FCHO2: variants seen among roughly 807,000 people sequenced by gnomAD.
FCHO2 encodes F-BAR domain only protein 2.
Under a neutral mutation model 114.1 loss-of-function variants are expected in FCHO2, and 43 were observed. The ratio of observed to expected loss-of-function variants is 0.38; its 90% CI spans 0.30 to 0.49. The LOEUF (loss-of-function observed/expected upper bound fraction) is 0.49. Among genes scored for constraint, FCHO2 ranks in the 20% least tolerant of loss-of-function variants. The pLI is 0.97. For missense variants in FCHO2, 807 were observed against 950.4 expected (o/e 0.85, Z 1.98); for synonymous variants, 293 against 315.2 (o/e 0.93, Z 0.75).
chr5:73,033,248 T>C (rs10515154), intron 8 of FCHO2, among the ~76,000 whole-genome samples: 45,289 of 151,974 alleles, frequency 0.3, 6,985 homozygotes, highest in East Asian at 0.44. Context: ...GAAGAATGTA[T>C]TAGTAAGGAA....
At chr5:73,016,091 T>C (rs924981661) in intron 7 of FCHO2, among the ~76,000 whole-genome samples, 40 of 152,144 alleles carry the variant, frequency 2.6e-4, no homozygotes, top group African/African-American at 8.9e-4. Context: ...TCCACAAATA[T>C]AAAAGGTTTA....
chr5:73,007,122 G>A (rs754876589), intron 6 of FCHO2, among the ~76,000 whole-genome samples: 5 of 152,038 alleles, frequency 3.3e-5, no homozygotes, highest in African/African-American at 4.8e-5. Context: ...AGCACCTATC[G>A]TGATCTTACA....
intron 2 of FCHO2, among the ~76,000 whole-genome samples, chr5:72,980,758 A>T (rs1006107728): frequency 2.0e-5 from 3 of 152,100 alleles, no homozygotes; most frequent in Non-Finnish European, 2.9e-5. Flanking sequence ...GAAGACTAGG[A>T]TTGCAACCCC....
intron 6 of FCHO2, among the ~76,000 whole-genome samples, chr5:73,014,595 T>G (rs1463856297): frequency 6.6e-6 from 1 of 152,138 alleles, no homozygotes; most frequent in Non-Finnish European, 1.5e-5. Flanking sequence ...GTGTATATTA[T>G]TATTTCAAGG....
In FCHO2 at chr5:73,014,159, G is replaced by A. The variant is rs536299969; in HGVS notation, c.601-1467G>A. On this transcript the variant is annotated intron_variant, in intron 6 of 25. Coordinates refer to ENST00000430046, the MANE Select transcript of FCHO2 (RefSeq NM_138782.3). ...TTTGAAGTTTGAAAAGGTTCTCCAG[G>A]TGATCTAACACATCCTCACTTTTGG... Among the ~76,000 whole-genome samples, 9 of 152,170 alleles carry A rather than the reference G, an allele frequency of 5.9e-5. No individual in the cohort carries two copies. The East Asian group carries it at 1.5e-3, about 26-fold the overall frequency.
rs148080873 is a variant in FCHO2 at position 72,985,682 on chromosome 5, A to G, written c.126-3745A>G. The stretch of plus-strand genomic sequence containing the variant: ...ATTAATTTTTTTTGAAGATCGTTCC[A>G]TTATCTATAGTTGAGATGTTAGCTA... On this transcript the variant is annotated intron_variant, in intron 2 of 25. Coordinates refer to ENST00000430046, the MANE Select transcript of FCHO2 (RefSeq NM_138782.3). Among the ~76,000 whole-genome samples the G allele has an allele frequency of 1.4e-4, 21 of 152,150 alleles. 1 individual carries two copies. In the East Asian group the frequency reaches 3.9e-3, roughly 28 times the overall value.
At chr5:73,047,807 A>C (rs1250641240) in intron 11 of FCHO2, among the ~76,000 whole-genome samples, 1 of 152,012 alleles carries the variant, frequency 6.6e-6, no homozygotes, top group African/African-American at 2.4e-5. Flanking sequence ...GTGTTTTTTA[A>C]AGATTCATGT....
chr5:73,082,906 G>C (rs1743167684), intron 24 of FCHO2, 81 bp downstream of exon 24: 9 of 1,230,332 alleles, frequency 7.3e-6, no homozygotes, highest in Non-Finnish European at 9.0e-6. Flanking sequence ...ACAGAGTCTA[G>C]CTTTGTTGCC....
intron 6 of FCHO2, among the ~76,000 whole-genome samples, chr5:73,014,992 T>C (rs572946956): frequency 1.4e-5 from 2 of 146,552 alleles, no homozygotes; most frequent in African/African-American, 5.1e-5. Context: ...AGGAGAATGA[T>C]GTGAACCTGG....
chr5:73,004,553 G>A (rs1378327979), intron 5 of FCHO2, among the ~76,000 whole-genome samples: 1 of 151,926 alleles, frequency 6.6e-6, no homozygotes, highest in African/African-American at 2.4e-5. Context: ...ATAAAAGCAG[G>A]CACTATTTAT....
In FCHO2 at chr5:73,062,056, A is replaced by G. The variant is rs114485859; in HGVS notation, c.1346-1785A>G. 5.6e-3 allele frequency among the ~76,000 whole-genome samples: 857 copies of G among 152,112 alleles called. 14 individuals carry two copies. Among genetic ancestry groups the G allele is most frequent in the African/African-American group, 0.02 (821 of 41,526 alleles). ...AGATATAGAGTAGCCCTTATCGCCT[A>G]TGTTTTTTTATACTTCACAGGTCAA... On this transcript the variant is annotated intron_variant, in intron 17 of 25. Coordinates refer to ENST00000430046, the MANE Select transcript of FCHO2 (RefSeq NM_138782.3).
At chr5:73,023,714 AGTAAT>A (rs1447775265) in intron 8 of FCHO2, among the ~76,000 whole-genome samples, 1 of 151,568 alleles carries the variant, frequency 6.6e-6, no homozygotes, top group African/African-American at 2.4e-5. Flanking sequence ...AAAAAAAAAA[AGTAAT>A]GTAGTCCAAA....
At chr5:73,018,098 A>T (rs533151562) in intron 8 of FCHO2, among the ~76,000 whole-genome samples, 3 of 152,312 alleles carry the variant, frequency 2.0e-5, no homozygotes, top group Admixed American at 2.0e-4. Context: ...TTAAAATATG[A>T]TATGGCATTC....
chr5:72,963,912 T>G lies in FCHO2; in HGVS notation c.34-4586T>G, dbSNP rs1029613011. On this transcript the variant is annotated intron_variant, in intron 1 of 25. Coordinates refer to ENST00000430046, the MANE Select transcript of FCHO2 (RefSeq NM_138782.3). ...GTATGGGAACTTTCAGTTTTTTTTTTTTTTTTTTTTTTTTTTTGTTTATGA... is the reference window on the plus strand; with the variant it reads ...GTATGGGAACTTTCAGTTTTTTTTTGTTTTTTTTTTTTTTTTTGTTTATGA... 1.6e-3 allele frequency among the ~76,000 whole-genome samples: 233 copies of G among 143,740 alleles called. 2 individuals carry two copies. Among genetic ancestry groups the G allele is most frequent in the African/African-American group, 5.5e-3 (209 of 38,206 alleles). 94.3% of individuals were successfully genotyped at this position (143,740 alleles called of 152,430 possible). A position where few individuals can be genotyped will look rare whatever the true frequency, so the allele number is the denominator to read the frequency against.
intron 6 of FCHO2, among the ~76,000 whole-genome samples, chr5:73,013,095 A>T (rs938437201): frequency 6.6e-6 from 1 of 152,222 alleles, no homozygotes; most frequent in Admixed American, 6.5e-5. Context: ...TCAGTTCTTG[A>T]GAGTAATTCA....
At chr5:73,025,169 T>C (rs1053426414) in intron 8 of FCHO2, among the ~76,000 whole-genome samples, 42 of 152,074 alleles carry the variant, frequency 2.8e-4, no homozygotes, top group African/African-American at 9.2e-4. Context: ...TGAGTTGCTA[T>C]GGGTGACTAA....
chr5:73,045,106 G>C (rs932684242), intron 11 of FCHO2, among the ~76,000 whole-genome samples: 4 of 152,158 alleles, frequency 2.6e-5, no homozygotes, highest in African/African-American at 4.8e-5. Context: ...TAACAGTACT[G>C]TGTACTTGTT....
Position 72,956,060 on chromosome 5 carries a change from C to CGGGCGCGGACGCG in FCHO2, c.-35_-23dup. The CGGGCGCGGACGCG allele has an allele frequency of 6.5e-7, 1 of 1,536,800 alleles. No individual in the cohort carries two copies. The highest frequency in any genetic ancestry group is 8.8e-7 in the Non-Finnish European group (1 of 1,141,054). ...CGGGCCGTGTTTACACAGCGGCGGG[C>CGGGCGCGGACGCG]GGGCGCGGACGCGGAACCCGGCGCG... On this transcript the variant is annotated 5_prime_UTR_variant, in exon 1 of 26. Transcript: ENST00000430046.
chr5:72,982,669 T>TA (rs1421709798), intron 2 of FCHO2, among the ~76,000 whole-genome samples: 1 of 152,198 alleles, frequency 6.6e-6, no homozygotes, highest in Non-Finnish European at 1.5e-5. Flanking sequence ...GGAATGCGTT[T>TA]AGATACTGTT....
Sources: allele counts gnomAD v4.1 joint callset (sites outside exome capture counted in the v4.1 genomes callset), GRCh38; gene constraint gnomAD v4.1.1; transcripts MANE v1.5; gene names NCBI Gene and HGNC (gene_info 2026-07-23, HGNC 2026-07-21).